The following DGKB variants were observed in gnomAD, a reference collection of about 807,000 sequenced individuals.
DGKB encodes the protein diacylglycerol kinase beta.
Under a neutral mutation model 114.3 loss-of-function variants are expected in DGKB, and 67 were observed. That is an observed-to-expected ratio of 0.59 (90% CI 0.48 to 0.72). DGKB has a LOEUF of 0.72. DGKB is among the 30% of genes least tolerant of loss of function. The pLI, the probability that DGKB is intolerant of heterozygous loss-of-function variation, is 0.00. For missense variants in DGKB, 907 were observed against 975.2 expected (o/e 0.93, Z 0.93); for synonymous variants, 398 against 323.1 (o/e 1.23, Z -2.49).
At position 14,274,920 on chromosome 7, in the gene DGKB, G is replaced by T. The variant is rs370972158; in HGVS notation, c.2122+63595C>A. On this transcript the variant is annotated intron_variant, in intron 23 of 25. Coordinates refer to ENST00000402815, the MANE Select transcript of DGKB (RefSeq NM_001350709.2). Reference sequence around the variant, plus strand: ...AGAAGGTCAAATATGCATTTTTTGGGGGGTGCACTTCAGTCCATAGCAGTG... The same window carrying T: ...AGAAGGTCAAATATGCATTTTTTGGTGGGTGCACTTCAGTCCATAGCAGTG... Among the ~76,000 whole-genome samples the T allele has an allele frequency of 2.0e-5, 3 of 150,614 alleles. No homozygotes were observed. In the South Asian group the frequency reaches 6.3e-4, roughly 32 times the overall value.
chr7:14,653,776 C>A (rs1455348515), intron 13 of DGKB, among the ~76,000 whole-genome samples: 14 of 151,936 alleles, frequency 9.2e-5, no homozygotes. Context: ...AGGAAAAAGT[C>A]TTACGATCAT....
intron 25 of DGKB, among the ~76,000 whole-genome samples, chr7:14,161,837 G>C (rs1171652244): frequency 6.6e-6 from 1 of 151,968 alleles, no homozygotes; most frequent in African/African-American, 2.4e-5. Flanking sequence ...AAAAGTCTTT[G>C]AGTTTTTTAA....
intron 2 of DGKB, among the ~76,000 whole-genome samples, chr7:14,818,037 G>A (rs955583069): frequency 6.6e-6 from 1 of 152,010 alleles, no homozygotes; most frequent in Non-Finnish European, 1.5e-5. Context: ...TACCAACTGG[G>A]AAAAACTCCA....
intron 13 of DGKB, among the ~76,000 whole-genome samples, chr7:14,664,298 C>T (rs1034621907): frequency 3.9e-5 from 6 of 151,918 alleles, no homozygotes; most frequent in African/African-American, 1.4e-4. Context: ...TCCTGGTTGC[C>T]TAATTTTCTT....
At chr7:14,446,289 G>A (rs1830719237) in intron 21 of DGKB, among the ~76,000 whole-genome samples, 1 of 152,046 alleles carries the variant, frequency 6.6e-6, no homozygotes, top group South Asian at 2.1e-4. Flanking sequence ...TTCTTTTCTT[G>A]GATAGTTATG....
chr7:14,931,517 G>C (rs1236606321), intron 1 of DGKB, among the ~76,000 whole-genome samples: 1 of 152,170 alleles, frequency 6.6e-6, no homozygotes, highest in Non-Finnish European at 1.5e-5. Flanking sequence ...ATCTAGATAG[G>C]GGGAGTGGGG....
At chr7:14,804,070 GGTGTGTGTGT>G (rs34964846) in intron 2 of DGKB, among the ~76,000 whole-genome samples, 1 of 146,506 alleles carries the variant, frequency 6.8e-6, no homozygotes, top group Non-Finnish European at 1.5e-5. Flanking sequence ...TCACTTTTTG[GGTGTGTGTGT>G]GTGTGTGTGT....
chr7:14,608,081 G>C (rs1477869863), intron 16 of DGKB, among the ~76,000 whole-genome samples: 1 of 151,940 alleles, frequency 6.6e-6, no homozygotes, highest in African/African-American at 2.4e-5. Context: ...TGTCTTAGCA[G>C]CATATGACAA....
At chr7:14,634,363 T>C (rs1439742469) in intron 13 of DGKB, among the ~76,000 whole-genome samples, 2 of 151,390 alleles carry the variant, frequency 1.3e-5, no homozygotes, top group Non-Finnish European at 3.0e-5. Flanking sequence ...AGAGGAGACT[T>C]TTTAAAATTA....
intron 5 of DGKB, among the ~76,000 whole-genome samples, chr7:14,722,763 G>C (rs763555771): frequency 4.6e-5 from 7 of 152,010 alleles, no homozygotes; most frequent in Non-Finnish European, 8.8e-5. Flanking sequence ...AGTGAGCCAA[G>C]ATCATGCCAC....
intron 23 of DGKB, among the ~76,000 whole-genome samples, chr7:14,274,953 G>C (rs895973614): frequency 1.4e-5 from 2 of 144,802 alleles, no homozygotes; most frequent in African/African-American, 2.5e-5. Flanking sequence ...GTGTGTGTGT[G>C]TGTGTGTGTG....
chr7:14,445,886 T>C lies in DGKB; in HGVS notation c.1835+32275A>G, dbSNP rs140941387. Among the ~76,000 whole-genome samples the C allele has an allele frequency of 9.7e-4, 148 of 152,208 alleles. No homozygotes were observed. The East Asian group carries it at 0.027, about 27-fold the overall frequency. On this transcript the variant is annotated intron_variant, in intron 21 of 25. Transcript: ENST00000402815. ...AACATAGACGTAAAGTTGCCTTCCA[T>C]GAAAGTCTACTTGTTTATGCTGTAG...
chr7:14,936,328 C>T (rs1785270552), intron 1 of DGKB, among the ~76,000 whole-genome samples: 2 of 152,016 alleles, frequency 1.3e-5, no homozygotes, highest in African/African-American at 4.8e-5. Flanking sequence ...GAAAAGGAGG[C>T]TAAAATTGAG....
intron 1 of DGKB, among the ~76,000 whole-genome samples, chr7:14,844,953 A>G (rs547576605): frequency 6.6e-6 from 1 of 151,898 alleles, no homozygotes; most frequent in East Asian, 1.9e-4. Context: ...CCAAAAATAC[A>G]AAAATTAGCT....
chr7:14,591,948 A>C (rs1801772722), intron 17 of DGKB, among the ~76,000 whole-genome samples: 1 of 152,000 alleles, frequency 6.6e-6, no homozygotes, highest in African/African-American at 2.4e-5. Context: ...AATCTTGGAA[A>C]GTGTCATAAA....
intron 2 of DGKB, among the ~76,000 whole-genome samples, chr7:14,772,212 C>T (rs1466578575): frequency 6.6e-6 from 1 of 152,116 alleles, no homozygotes; most frequent in Non-Finnish European, 1.5e-5. Flanking sequence ...GTGTCAAGGG[C>T]CATGGTCATT....
At chr7:14,507,903 CAT>C (rs1285600278) in intron 20 of DGKB, among the ~76,000 whole-genome samples, 1 of 152,162 alleles carries the variant, frequency 6.6e-6, no homozygotes, top group African/African-American at 2.4e-5. Flanking sequence ...GCTTATAGTA[CAT>C]ACTTACAGAG....
intron 13 of DGKB, among the ~76,000 whole-genome samples, chr7:14,658,376 C>T (rs1051620666): frequency 7.3e-5 from 11 of 151,700 alleles, no homozygotes; most frequent in South Asian, 2.1e-4. Flanking sequence ...TAATTCCATG[C>T]GGGTAGAGAG....
chr7:14,261,887 T>C (rs1381832158), intron 23 of DGKB, among the ~76,000 whole-genome samples: 1 of 152,152 alleles, frequency 6.6e-6, no homozygotes, highest in Admixed American at 6.5e-5. Context: ...TAAATGTCAT[T>C]AAGAACACAA....
Sources: gnomAD v4.1 joint callset for allele counts (sites outside exome capture counted in the v4.1 genomes callset) on GRCh38, gnomAD v4.1.1 for gene constraint, MANE v1.5 for transcripts, NCBI Gene and HGNC (gene_info 2026-07-23, HGNC 2026-07-21) for gene names.